Variants in MYLIP observed in about 807,000 individuals in gnomAD.
MYLIP encodes the protein E3 ubiquitin-protein ligase MYLIP.
In MYLIP, 26 loss-of-function variants were observed where a neutral mutation model predicts 45.8. That is an observed-to-expected ratio of 0.57 (90% confidence interval 0.42 to 0.79). The LOEUF is 0.79. Among genes scored for constraint, MYLIP ranks in the 30% least tolerant of loss-of-function variants. MYLIP has a pLI of 0.00. For synonymous variants in MYLIP, 213 were observed against 218.1 expected, an observed-to-expected ratio of 0.98 and a Z score of 0.21; for missense variants, 494 against 555.6, an observed-to-expected ratio of 0.89 and a Z score of 1.11.
At chr6:16,131,029 GAAAAAA>G (rs11394742) in intron 2 of MYLIP, among the ~76,000 whole-genome samples, 27 of 115,246 alleles carry the variant, frequency 2.3e-4, no homozygotes, top group Admixed American at 4.2e-4. Flanking sequence ...GCTACCCCAG[GAAAAAA>G]AAAAAAAAAA....
intron 1 of MYLIP, among the ~76,000 whole-genome samples, chr6:16,130,001 G>T (rs181097228): frequency 6.6e-6 from 1 of 152,344 alleles, no homozygotes; most frequent in East Asian, 1.9e-4. Context: ...TTAACAGTGA[G>T]GGAGATCGGT....
In MYLIP at chr6:16,142,872, G is replaced by A. The variant is rs530897526; in HGVS notation, c.465-148G>A. ...CTTAGACGTTTTTTATAGTAAGTTCGCTAAATACATGAAACATCAGTAATA... is the reference window on the plus strand; with the variant it reads ...CTTAGACGTTTTTTATAGTAAGTTCACTAAATACATGAAACATCAGTAATA... On this transcript the variant is annotated intron_variant, in intron 3 of 6. Transcript: ENST00000356840. The A allele has an allele frequency of 3.9e-5, 32 of 810,572 alleles. 1 individual carries two copies. The highest frequency in any genetic ancestry group is 2.3e-4 in the African/African-American group (13 of 57,692). The allele number at this position is 810,572 out of a possible 1,614,324, so 50.2% of individuals were successfully genotyped here.
At position 16,145,349 on chromosome 6, in the gene MYLIP, A is replaced by G. The variant is rs1257783243; in HGVS notation, c.1248+32A>G. ...GAGTCAGCTGCCCACTTTTGCCTGC[A>G]GCCTCACCTATCCCTCCTCTTAACG... On this transcript the variant is annotated intron_variant, in intron 6 of 6. Coordinates refer to ENST00000356840, the MANE Select transcript of MYLIP (RefSeq NM_013262.4). The G allele has an allele frequency of 9.7e-6, 15 of 1,548,398 alleles. No homozygotes were observed. The South Asian group carries it at 1.7e-4, about 18-fold the overall frequency.
chr6:16,150,862 A>G (rs1759869476), downstream of MYLIP, among the ~76,000 whole-genome samples: 1 of 152,198 alleles, frequency 6.6e-6, no homozygotes, highest in African/African-American at 2.4e-5. Flanking sequence ...TTGTATATTT[A>G]TCTTGTCACA....
chr6:16,143,030 A>G lies in MYLIP; in HGVS notation c.475A>G (p.Lys159Glu), dbSNP rs569760048. The G allele has an allele frequency of 1.9e-5, 30 of 1,613,926 alleles. No individual in the cohort carries two copies. In the Admixed American group the frequency reaches 4.8e-4, roughly 26 times the overall value. The change falls in exon 4 of 7, where the codon AAA (lysine) becomes GAA (glutamate). Residue 159 changes from lysine to glutamate, a missense_variant. Transcript: ENST00000356840. ...SSATLNSIVA[K>E]HKELEGTSQA... ...CTTGGTGTCCTCCAGCATTGTTGCA[A>G]AACATAAGGAGTTGGAGGGGACCAG...
chr6:16,143,240 T>C, intron 4 of MYLIP, 23 bp downstream of exon 4: 1 of 1,611,178 alleles, frequency 6.2e-7, no homozygotes, highest in Non-Finnish European at 8.5e-7. Flanking sequence ...TTAACTTTTT[T>C]TGACCTAAGC....
In MYLIP at chr6:16,143,096, G is replaced by C; in HGVS notation, c.541G>C (p.Ala181Pro). 6.2e-7 allele frequency: 1 copy of C among 1,614,212 alleles called. No homozygotes were observed. The highest frequency in any genetic ancestry group is 8.5e-7 in the Non-Finnish European group (1 of 1,180,038). The change falls in exon 4 of 7, where the codon GCA becomes CCA. Residue 181 changes from alanine to proline, a missense_variant. Physicochemically the swap from Ala to Pro is conservative, Grantham distance 27. Transcript: ENST00000356840. ...ATACCAAGTTTTGCAGATTGTGTCG[G>C]CAATGGAAAACTATGGCATAGAATG... ...AEYQVLQIVSAMENYGIEWHS... is the reference protein window; with the variant it reads ...AEYQVLQIVSPMENYGIEWHS...
In MYLIP at chr6:16,143,130, TGCGGGATA is replaced by T; in HGVS notation, c.579_586del (p.Asp194ArgfsTer11). 6.2e-7 allele frequency: 1 copy of T among 1,614,202 alleles called. No individual in the cohort carries two copies. Among genetic ancestry groups the T allele is most frequent in the Non-Finnish European group, 8.5e-7 (1 of 1,180,036 alleles). On this transcript the variant is annotated frameshift_variant, in exon 4 of 7. Coordinates refer to ENST00000356840, the MANE Select transcript of MYLIP (RefSeq NM_013262.4). LOFTEE classifies it high-confidence loss of function. ...AACTATGGCATAGAATGGCATTCTG[TGCGGGATA>T]GCGAAGGGCAGAAACTGCTCATTGG... is the stretch of plus-strand genomic sequence containing the variant.
Position 16,145,303 on chromosome 6 carries a change from G to A in MYLIP, c.1234G>A (p.Ala412Thr), listed in dbSNP as rs779407179. The A allele has an allele frequency of 1.7e-5, 27 of 1,590,068 alleles. No homozygotes were observed. The Admixed American group carries it at 1.7e-4, about 10-fold the overall frequency. The change falls in exon 6 of 7, where the codon GCC (alanine) becomes ACC (threonine). Residue 412 changes from alanine (A) to threonine (T), a missense_variant. Coordinates refer to ENST00000356840, the MANE Select transcript of MYLIP (RefSeq NM_013262.4). ...CGHTVCCESC[A>T]AQLQSCPVCR... ...CCACACTGTGTGCTGTGAGAGCTGCGCCGCCCAGCTACAGGTAGGGGAGTC... is the reference window on the plus strand; with the variant it reads ...CCACACTGTGTGCTGTGAGAGCTGCACCGCCCAGCTACAGGTAGGGGAGTC...
chr6:16,144,467 G>A lies in MYLIP; in HGVS notation c.828-430G>A, dbSNP rs371339543. ...AGTTGTGATTGGACTCACGTATTTG[G>A]ACAATTAAAGCTAAGAAATTTAAGT... On this transcript the variant is annotated intron_variant, in intron 5 of 6. Coordinates refer to ENST00000356840, the MANE Select transcript of MYLIP (RefSeq NM_013262.4). Among the ~76,000 whole-genome samples, 6 of 152,312 alleles carry A rather than the reference G, an allele frequency of 3.9e-5. No individual in the cohort carries two copies. In the South Asian group the frequency reaches 1.0e-3, roughly 26 times the overall value.
At chr6:16,146,097 C>G (rs560515580) in intron 6 of MYLIP, among the ~76,000 whole-genome samples, 1 of 152,316 alleles carries the variant, frequency 6.6e-6, no homozygotes, top group South Asian at 2.1e-4. Flanking sequence ...ATAGGCTTGT[C>G]TTTTTCTGCC....
downstream of MYLIP, among the ~76,000 whole-genome samples, chr6:16,151,106 T>C (rs1349020273): frequency 6.6e-6 from 1 of 151,786 alleles, no homozygotes; most frequent in East Asian, 1.9e-4. Context: ...CCCCAGCACT[T>C]TGGGAGGCCG....
In MYLIP at chr6:16,145,219, GC is replaced by G; in HGVS notation, c.1152del (p.Met385CysfsTer58). On this transcript the variant is annotated frameshift_variant, in exon 6 of 7. Coordinates refer to ENST00000356840, the MANE Select transcript of MYLIP (RefSeq NM_013262.4). LOFTEE classifies it high-confidence loss of function. ...GGAGAAGCTACGCAAGCTGAAGGAA[GC>G]CATGCTGTGCATGGTGTGCTGCGAG... ...LQEKLRKLKE[A>X]MLCMVCCEEE... is the part of the protein sequence containing the mutation. The G allele has an allele frequency of 6.2e-7, 1 of 1,614,092 alleles. No homozygotes were observed.
rs568930709 is a variant in MYLIP, at chr6:16,148,096, C to CT, written c.*1351dup. The CT allele has an allele frequency of 6.6e-6, 1 of 152,664 alleles. No individual in the cohort carries two copies. The highest frequency in any genetic ancestry group is 6.5e-5 in the Admixed American group (1 of 15,286). The allele number at this position is 152,664 out of a possible 1,614,324, so 9.5% of individuals were successfully genotyped here. On this transcript the variant is annotated 3_prime_UTR_variant, in exon 7 of 7. Transcript: ENST00000356840. ...CATTTTGTCAAATATTAAAACTCTA[C>CT]TTTTTTATGGCACATATTAGCATAT...
chr6:16,163,264 G>A, the MYLIP span: 9 of 152,202 alleles, frequency 5.9e-5, no homozygotes, highest in South Asian at 2.1e-4. Context: ...CACTGGTCTC[G>A]TGCTGCTGGA....
downstream of MYLIP, among the ~76,000 whole-genome samples, chr6:16,148,784 T>C (rs1332079561): frequency 6.6e-6 from 1 of 152,222 alleles, no homozygotes; most frequent in Non-Finnish European, 1.5e-5. Context: ...ACTGCTGGTC[T>C]ACTCCTGCTA....
the MYLIP span, among the ~76,000 whole-genome samples, chr6:16,162,673 G>A: frequency 1.3e-4 from 20 of 150,474 alleles, no homozygotes; most frequent in Non-Finnish European, 2.2e-4. Flanking sequence ...TTTTACTGCC[G>A]GGCATGGTGG....
downstream of MYLIP, among the ~76,000 whole-genome samples, chr6:16,151,508 G>A (rs1201459303): frequency 1.3e-5 from 2 of 152,202 alleles, no homozygotes; most frequent in Non-Finnish European, 2.9e-5. Context: ...ATCTGACCAA[G>A]CAATGGGGAA....
At chr6:16,142,751 T>C (rs1038455950) in intron 3 of MYLIP, among the ~76,000 whole-genome samples, 2 of 152,252 alleles carry the variant, frequency 1.3e-5, no homozygotes, top group African/African-American at 4.8e-5. Context: ...GACTTATGTA[T>C]ATTTTTAGAG....
Sources: gnomAD v4.1 joint callset for allele counts (sites outside exome capture counted in the v4.1 genomes callset) on GRCh38, gnomAD v4.1.1 for gene constraint, MANE v1.5 for transcripts, NCBI Gene and HGNC (gene_info 2026-07-23, HGNC 2026-07-21) for gene names.